EEF1A2: variants seen among roughly 807,000 people sequenced by gnomAD.
The protein encoded by EEF1A2 is eukaryotic translation elongation factor 1 alpha 2.
In EEF1A2, 5 loss-of-function variants were observed where a neutral mutation model predicts 39.3. That is an observed-to-expected ratio of 0.13 (90% CI 0.07 to 0.27). EEF1A2 has a LOEUF of 0.27. Ranked by LOEUF, EEF1A2 falls within the 10% of genes least tolerant of loss-of-function variation. The pLI is 1.00. For synonymous variants in EEF1A2, 287 were observed against 293.7 expected (o/e 0.98, Z 0.23); for missense variants, 218 against 681.4 (o/e 0.32, Z 7.57).
intron 5 of EEF1A2, among the ~76,000 whole-genome samples, chr20:63,491,379 TC>T (rs1018625691): frequency 6.6e-6 from 1 of 151,636 alleles, no homozygotes; most frequent in African/African-American, 2.4e-5. Context: ...GGGGGTCTTG[TC>T]CCCCCCCAGG....
In EEF1A2 at chr20:63,498,238, G is replaced by C. The variant is rs1439972129; in HGVS notation, c.-71-404C>G. 6.6e-6 allele frequency: 1 copy of C among 152,636 alleles called. No individual in the cohort carries two copies. The highest frequency in any genetic ancestry group is 1.5e-5 in the Non-Finnish European group (1 of 68,446). 9.5% of individuals were successfully genotyped at this position (152,636 alleles called of 1,614,324 possible). Reference sequence around the variant, plus strand: ...CGCGCACTCCCCTCCCCGGCGGCAGGGCCAGGGACACGGCGCCCCACCCCC... The same window carrying C: ...CGCGCACTCCCCTCCCCGGCGGCAGCGCCAGGGACACGGCGCCCCACCCCC... On this transcript the variant is annotated intron_variant, in intron 1 of 7. Coordinates refer to ENST00000217182, the MANE Select transcript of EEF1A2 (RefSeq NM_001958.5). This position sits in a 1 kb window ranked among gnomAD's most constrained non-coding sequence, Gnocchi z 4.1.
chr20:63,491,316 C>T (rs904031995), intron 5 of EEF1A2, among the ~76,000 whole-genome samples: 2 of 152,218 alleles, frequency 1.3e-5, no homozygotes, highest in Admixed American at 6.5e-5. Context: ...GGCACATGAG[C>T]GTCCCTGGCA....
At position 63,497,758 on chromosome 20, in the gene EEF1A2, G is replaced by A; in HGVS notation, c.6C>T (p.Gly2=). 1 of 1,611,898 alleles carries A rather than the reference G, an allele frequency of 6.2e-7. No homozygotes were observed. Among genetic ancestry groups the A allele is most frequent in the South Asian group, 1.1e-5 (1 of 90,946 alleles). The change falls in exon 2 of 8, where the codon GGC becomes GGT. Residue 2 remains glycine (G), a synonymous_variant. Transcript: ENST00000217182. The surrounding 1 kb of genome is among the most constrained non-coding windows in gnomAD (Gnocchi z 7.3). M[G]KEKTHINIVV... is the part of the protein sequence containing the mutation. ...CGATGTTGATGTGGGTCTTCTCCTT[G>A]CCCATTTTGCTGGGAGTGTGAGGGG...
At chr20:63,491,352 T>C (rs768150839) in intron 5 of EEF1A2, among the ~76,000 whole-genome samples, 4 of 152,184 alleles carry the variant, frequency 2.6e-5, no homozygotes, top group South Asian at 2.1e-4. Context: ...CTTAAACCAA[T>C]TGTGCAGCTG....
intron 5 of EEF1A2, among the ~76,000 whole-genome samples, chr20:63,492,528 G>GGATTGAAGGATGGACGGGTGGGGA (rs1568996256): frequency 1.5e-5 from 2 of 132,518 alleles, no homozygotes; most frequent in Non-Finnish European, 3.3e-5. Context: ...GTGGATGGAT[G>GGATTGAAGGATGGACGGGTGGGGA]GATGGAAGGA....
At chr20:63,489,262 G>A (rs2082367450) in intron 6 of EEF1A2, 110 bp from the exon 7 acceptor site, 1 of 1,080,688 alleles carries the variant, frequency 9.3e-7, no homozygotes, top group Admixed American at 2.4e-5. Flanking sequence ...CGGGCTCCTG[G>A]GCCCGGAGTG....
At chr20:63,493,113 C>T in intron 5 of EEF1A2, 24 bp downstream of exon 5, 1 of 1,543,930 alleles carries the variant, frequency 6.5e-7, no homozygotes. Context: ...CAGGCAGGAG[C>T]TCCAGCACAG....
Position 63,498,855 on chromosome 20 carries a change from C to T in EEF1A2, c.-72+203G>A, listed in dbSNP as rs2082430538. 6.7e-6 allele frequency: 1 copy of T among 150,164 alleles called. No individual in the cohort carries two copies. The highest frequency in any genetic ancestry group is 6.6e-5 in the Admixed American group (1 of 15,118). The allele number at this position is 150,164 out of a possible 1,614,324, so 9.3% of individuals were successfully genotyped here. A position where few individuals can be genotyped will look rare whatever the true frequency, so the allele number is the denominator to read the frequency against. ...GTCACGGCTACGGGGCGATCGCCGC[C>T]CAGGACCCGGCCCCGCCGCCCCGCG... On this transcript the variant is annotated intron_variant, in intron 1 of 7. Transcript: ENST00000217182. This position sits in a 1 kb window ranked among gnomAD's most constrained non-coding sequence, Gnocchi z 4.1.
chr20:63,494,494 C>G (rs1451553330), intron 4 of EEF1A2, among the ~76,000 whole-genome samples: 1 of 152,278 alleles, frequency 6.6e-6, no homozygotes, highest in Non-Finnish European at 1.5e-5. Flanking sequence ...GCCCCCATGG[C>G]AGGGCTCTGG....
chr20:63,491,239 C>T (rs1398178825), intron 5 of EEF1A2, among the ~76,000 whole-genome samples: 2 of 151,396 alleles, frequency 1.3e-5, no homozygotes, highest in African/African-American at 4.9e-5. Flanking sequence ...CTCTCTGGGC[C>T]CCACTTGGAT....
At chr20:63,496,708 C>T (rs184813227) in intron 2 of EEF1A2, 3 of 152,804 alleles carry the variant, frequency 2.0e-5, no homozygotes, top group Admixed American at 1.3e-4. Context: ...GCCAGGGCCT[C>T]GCACAGACAG....
chr20:63,493,397 C>T (rs1316890618), intron 4 of EEF1A2, 110 bp from the exon 5 acceptor site: 6 of 1,316,182 alleles, frequency 4.6e-6, no homozygotes, highest in South Asian at 1.7e-5. Context: ...AAACTTGCCT[C>T]GTGCCCTTTG....
rs374709728 is a variant in EEF1A2 at position 63,494,560 on chromosome 20, G to A, written c.621+245C>T. 3.0e-3 allele frequency among the ~76,000 whole-genome samples: 461 copies of A among 152,362 alleles called. 4 individuals are homozygous for A. In the South Asian group the frequency reaches 0.031, roughly 10 times the overall value. ...CCGCTGCCCCTGCTGTGTTGACATCGTAGATGGGCCCTGGCCCCGGCCAGC... is the reference window on the plus strand; with the variant it reads ...CCGCTGCCCCTGCTGTGTTGACATCATAGATGGGCCCTGGCCCCGGCCAGC... On this transcript the variant is annotated intron_variant, in intron 4 of 7. Coordinates refer to ENST00000217182, the MANE Select transcript of EEF1A2 (RefSeq NM_001958.5).
intron 2 of EEF1A2, chr20:63,496,753 C>CAGACCCAGATG (rs1204411757): frequency 1.8e-4 from 27 of 152,582 alleles, no homozygotes; most frequent in African/African-American, 6.5e-4. Context: ...CAGTCTGGAG[C>CAGACCCAGATG]AGACCCAGAT....
chr20:63,490,128 C>T (rs192151392), intron 6 of EEF1A2: 267 of 208,360 alleles, frequency 1.3e-3, no homozygotes, highest in African/African-American at 5.7e-3. Flanking sequence ...AGTGCAGTGG[C>T]GCAATCTCGG....
chr20:63,488,476 C>G lies in EEF1A2; in HGVS notation c.1265-51G>C, dbSNP rs1035917844. On this transcript the variant is annotated intron_variant, in intron 7 of 7. Coordinates refer to ENST00000217182, the MANE Select transcript of EEF1A2 (RefSeq NM_001958.5). ...GCGGGGCCGGAGGACTTGACCCCCC[C>G]CAACCCCAGGGCTCTGGCCGGGCGG... is the stretch of plus-strand genomic sequence containing the variant. 7 of 1,361,462 alleles carry G rather than the reference C, an allele frequency of 5.1e-6. No individual in the cohort carries two copies. In the Admixed American group the frequency reaches 1.7e-4, roughly 33 times the overall value. 84.3% of individuals were successfully genotyped at this position (1,361,462 alleles called of 1,614,324 possible). A position where few individuals can be genotyped will look rare whatever the true frequency, so the allele number is the denominator to read the frequency against.
At chr20:63,489,229 G>A in intron 6 of EEF1A2, 77 bp from the exon 7 acceptor site, 1 of 1,455,674 alleles carries the variant, frequency 6.9e-7, no homozygotes, top group Non-Finnish European at 9.3e-7. Context: ...GGGCTGGGAG[G>A]CCCAGTCACC....
rs73322304 is a variant in EEF1A2 at position 63,491,118 on chromosome 20, G to T, written c.773-383C>A. On this transcript the variant is annotated intron_variant, in intron 5 of 7. Transcript: ENST00000217182. ...GGAGGCACTATGGGACCCCTCCTTT[G>T]TCTGAGGACTCCTCCCTGTGAGTGT... is the stretch of plus-strand genomic sequence containing the variant. Among the ~76,000 whole-genome samples, 511 of 151,822 alleles carry T rather than the reference G, an allele frequency of 3.4e-3. 3 individuals are homozygous for T. Among genetic ancestry groups the T allele is most frequent in the African/African-American group, 0.012 (486 of 41,298 alleles).
At chr20:63,489,243 G>A (rs538352317) in intron 6 of EEF1A2, 91 bp from the exon 7 acceptor site, 14 of 1,308,278 alleles carry the variant, frequency 1.1e-5, no homozygotes, top group Middle Eastern at 2.3e-4. Context: ...AGTCACCGGC[G>A]CCCCTGCACG....
Sources: allele counts gnomAD v4.1 joint callset (sites outside exome capture counted in the v4.1 genomes callset), GRCh38; gene constraint gnomAD v4.1.1; non-coding constraint Gnocchi (gnomAD v3.1); transcripts MANE v1.5; gene names NCBI Gene and HGNC (gene_info 2026-07-23, HGNC 2026-07-21).